FAT4: variants seen among roughly 807,000 people sequenced by gnomAD.
FAT4 encodes the protein protocadherin Fat 4.
Under a neutral mutation model 303.9 loss-of-function variants are expected in FAT4, and 84 were observed. That is an observed-to-expected ratio of 0.28 (90% CI 0.23 to 0.33). The LOEUF is 0.33. Ranked by LOEUF, FAT4 falls within the 10% of genes least tolerant of loss-of-function variation. The pLI, the probability that FAT4 is intolerant of heterozygous loss-of-function variation, is 1.00. For synonymous variants in FAT4, 2,307 were observed against 2,298.8 expected (o/e 1.00, Z -0.10); for missense variants, 6,005 against 6,146.8 (o/e 0.98, Z 0.77).
intron 2 of FAT4, among the ~76,000 whole-genome samples, chr4:125,380,068 T>C (rs1292688345): frequency 6.6e-6 from 1 of 151,996 alleles, no homozygotes; most frequent in African/African-American, 2.4e-5. Flanking sequence ...TAATTTTGTA[T>C]TTTTAGTAGA....
chr4:125,417,876 G>A (rs988933), intron 7 of FAT4, among the ~76,000 whole-genome samples: 150,889 of 152,300 alleles, frequency 0.99, 74,759 homozygotes, highest in East Asian at 1. Flanking sequence ...GATGTCTGAA[G>A]TTCACTTTTA....
At chr4:125,381,236 G>T (rs1441423924) in intron 2 of FAT4, among the ~76,000 whole-genome samples, 1 of 152,166 alleles carries the variant, frequency 6.6e-6, no homozygotes, top group Non-Finnish European at 1.5e-5. Context: ...TAATACAGTT[G>T]TCACATATTA....
chr4:125,378,498 G>A (rs1177775440), intron 2 of FAT4, among the ~76,000 whole-genome samples: 1 of 152,008 alleles, frequency 6.6e-6, no homozygotes, highest in Non-Finnish European at 1.5e-5. Flanking sequence ...GCTAAGTATG[G>A]TCAAGAAGCA....
intron 7 of FAT4, among the ~76,000 whole-genome samples, chr4:125,418,233 A>G (rs2126030483): frequency 6.6e-6 from 1 of 152,262 alleles, no homozygotes; most frequent in East Asian, 1.9e-4. Context: ...AAATTTTGAG[A>G]GTTTAATTCT....
intron 7 of FAT4, among the ~76,000 whole-genome samples, chr4:125,416,912 C>T (rs963345755): frequency 1.3e-5 from 2 of 152,144 alleles, no homozygotes; most frequent in Non-Finnish European, 2.9e-5. Flanking sequence ...CACCACTGTT[C>T]TCCAGCCTGG....
At chr4:125,391,134 G>A (rs1223890212) in intron 2 of FAT4, among the ~76,000 whole-genome samples, 2 of 152,146 alleles carry the variant, frequency 1.3e-5, no homozygotes, top group Admixed American at 1.3e-4. Context: ...TCTAGAATCA[G>A]AAGTACCATT....
At chr4:125,367,986 G>T (rs1362456570) in intron 2 of FAT4, among the ~76,000 whole-genome samples, 1 of 152,100 alleles carries the variant, frequency 6.6e-6, no homozygotes, top group Non-Finnish European at 1.5e-5. Flanking sequence ...CTCTAAATCT[G>T]CCAGTCCAGT....
intron 11 of FAT4, 41 bp from the exon 12 acceptor site, chr4:125,468,471 C>T (rs761252525): frequency 1.7e-5 from 22 of 1,324,006 alleles, no homozygotes; most frequent in South Asian, 1.1e-4. Context: ...ATAAAATTTT[C>T]ATGAAATTTT....
intron 2 of FAT4, among the ~76,000 whole-genome samples, chr4:125,321,990 A>G (rs1046517260): frequency 2.0e-5 from 3 of 152,186 alleles, no homozygotes; most frequent in Admixed American, 6.5e-5. Flanking sequence ...GAGCTTTGGT[A>G]GGAATCAGCA....
chr4:125,346,972 T>A (rs1732026251), intron 2 of FAT4, among the ~76,000 whole-genome samples: 1 of 151,970 alleles, frequency 6.6e-6, no homozygotes, highest in Admixed American at 6.6e-5. Context: ...ATAAGGGCTA[T>A]ACTGTGGTAA....
At chr4:125,378,039 CTATT>C (rs1560787076) in intron 2 of FAT4, among the ~76,000 whole-genome samples, 1 of 150,300 alleles carries the variant, frequency 6.7e-6, no homozygotes, top group African/African-American at 2.4e-5. Flanking sequence ...AATTACCTTT[CTATT>C]TAGACAATTA....
chr4:125,439,390 C>T (rs1308685651), intron 8 of FAT4, among the ~76,000 whole-genome samples: 2 of 150,518 alleles, frequency 1.3e-5, no homozygotes, highest in East Asian at 2.0e-4. Context: ...TGGCGTGCTG[C>T]GTCGTGATCT....
intron 5 of FAT4, among the ~76,000 whole-genome samples, chr4:125,413,373 A>G (rs1298278480): frequency 6.6e-6 from 1 of 151,796 alleles, no homozygotes; most frequent in Non-Finnish European, 1.5e-5. Context: ...GAACTTTGTA[A>G]TCTCTTCCTT....
At chr4:125,440,593 G>A (rs1356956084) in intron 8 of FAT4, among the ~76,000 whole-genome samples, 1 of 55,664 alleles carries the variant, frequency 1.8e-5, no homozygotes, top group Non-Finnish European at 3.5e-5. Context: ...GTGTGTGTGT[G>A]TGTGTGTGTG....
intron 2 of FAT4, among the ~76,000 whole-genome samples, chr4:125,328,849 T>C (rs1731262537): frequency 6.6e-6 from 1 of 152,198 alleles, no homozygotes; most frequent in Non-Finnish European, 1.5e-5. Context: ...AGTCTGTGCA[T>C]TTAGTTCCAA....
Position 125,440,610 on chromosome 4 carries a change from T to TGTGTGTGTGTGTGAGA in FAT4, c.7200-5682_7200-5681insTGTGTGTGTGTGAGAG, listed in dbSNP as rs372756130. Among the ~76,000 whole-genome samples, 439 of 75,720 alleles carry TGTGTGTGTGTGTGAGA rather than the reference T, an allele frequency of 5.8e-3. 24 individuals carry two copies. In the Admixed American group the frequency reaches 0.064, roughly 11 times the overall value. The allele number at this position is 75,720 out of a possible 152,430, so 49.7% of individuals were successfully genotyped here. A position where few individuals can be genotyped will look rare whatever the true frequency, so the allele number is the denominator to read the frequency against. On this transcript the variant is annotated intron_variant, in intron 8 of 17. Coordinates refer to ENST00000394329, the MANE Select transcript of FAT4 (RefSeq NM_001291303.3). Reference sequence around the variant, plus strand: ...GTGTGTGTGTGTGTGTGTGTGTGTGTGAGAGAGAGAGAGAGAGAGAGAGAG... The same window carrying TGTGTGTGTGTGTGAGA: ...GTGTGTGTGTGTGTGTGTGTGTGTGTGTGTGTGTGTGTGAGAGAGAGAGAGAGAGAGAGAGAGAGAG...
chr4:125,330,388 A>G (rs1403584701), intron 2 of FAT4, among the ~76,000 whole-genome samples: 1 of 152,124 alleles, frequency 6.6e-6, no homozygotes, highest in Non-Finnish European at 1.5e-5. Flanking sequence ...ATCTCCTCAC[A>G]TGTTAAATGT....
chr4:125,374,131 C>T (rs1733228156), intron 2 of FAT4, among the ~76,000 whole-genome samples: 2 of 152,038 alleles, frequency 1.3e-5, no homozygotes, highest in African/African-American at 2.4e-5. Flanking sequence ...AACAGTCTGC[C>T]GGTTCTAAAG....
chr4:125,487,037 T>C (rs1202745121), intron 16 of FAT4, among the ~76,000 whole-genome samples: 1 of 152,202 alleles, frequency 6.6e-6, no homozygotes, highest in Non-Finnish European at 1.5e-5. Flanking sequence ...TAAAAAGGTA[T>C]AATTTAATTA....
Sources: allele counts gnomAD v4.1 joint callset (sites outside exome capture counted in the v4.1 genomes callset), GRCh38; gene constraint gnomAD v4.1.1; transcripts MANE v1.5; gene names NCBI Gene and HGNC (gene_info 2026-07-23, HGNC 2026-07-21).